Variants in RYR3 observed in about 807,000 individuals in gnomAD.
RYR3 encodes brain ryanodine receptor-calcium release channel.
A neutral mutation model predicts 584.3 loss-of-function variants in RYR3; 207 were observed. The ratio of observed to expected loss-of-function variants is 0.35; its 90% CI spans 0.32 to 0.40. RYR3 has a LOEUF of 0.40. RYR3 is among the 10% of genes least tolerant of loss of function. The probability of loss-of-function intolerance (pLI) is 1.00; values close to 1 mark genes in which losing one functional copy is unlikely to be tolerated. For missense variants in RYR3, 5,616 were observed against 6,089.2 expected (o/e 0.92, Z 2.59); for synonymous variants, 2,416 against 2,248.5 (o/e 1.07, Z -2.11).
chr15:33,767,159 G>A (rs866063292), intron 60 of RYR3, among the ~76,000 whole-genome samples: 3 of 152,140 alleles, frequency 2.0e-5, no homozygotes, highest in Non-Finnish European at 4.4e-5. Flanking sequence ...TCTGAAACCC[G>A]AGTCCTATGA....
At chr15:33,862,853 C>G (rs555058283) in intron 102 of RYR3, among the ~76,000 whole-genome samples, 6 of 152,208 alleles carry the variant, frequency 3.9e-5, no homozygotes, top group African/African-American at 1.4e-4. Context: ...TGAAGTGATC[C>G]ACCTGCCTTG....
At chr15:33,652,639 AT>A in intron 31 of RYR3, 78 bp from the exon 32 acceptor site, 1 of 1,455,644 alleles carries the variant, frequency 6.9e-7, no homozygotes, top group Non-Finnish European at 9.3e-7. Context: ...AGCCATTTTC[AT>A]TTTTCATTTC....
intron 16 of RYR3, among the ~76,000 whole-genome samples, chr15:33,593,645 C>T (rs1263555091): frequency 6.6e-6 from 1 of 151,852 alleles, no homozygotes; most frequent in East Asian, 1.9e-4. Context: ...TTCAGTGACT[C>T]CAAATTAGGA....
rs2063034347 is a variant in RYR3 at position 33,659,731 on chromosome 15, T to C, written c.4320T>C (p.Asn1440=). Residue 1440 remains asparagine (N), a synonymous_variant, in exon 33 of 104, where the codon AAT becomes AAC. Transcript: ENST00000634891. ...GTTTTGATTTCCAGGTGGAGCCTAA[T>C]ACCAAAGTGTTTCCAGCAGTCTTCC... is the stretch of plus-strand genomic sequence containing the variant. ...ELGTCYQVEP[N]TKVFPAVFLQ... 2 of 1,610,782 alleles carry C rather than the reference T, an allele frequency of 1.2e-6. No homozygotes were observed. The highest frequency in any genetic ancestry group is 2.7e-5 in the African/African-American group (2 of 74,850).
chr15:33,557,484 A>G lies in RYR3; in HGVS notation c.973-5353A>G, dbSNP rs111688061. Reference sequence around the variant, plus strand: ...ACTGCAACCTCCGACTCCCTGGTTCAAGCAATTCTTCTGCCTCGGCTTCCT... The same window carrying G: ...ACTGCAACCTCCGACTCCCTGGTTCGAGCAATTCTTCTGCCTCGGCTTCCT... On this transcript the variant is annotated intron_variant, in intron 10 of 103. Transcript: ENST00000634891. 4.0e-3 allele frequency among the ~76,000 whole-genome samples: 606 copies of G among 152,232 alleles called. 6 individuals are homozygous for G. Among genetic ancestry groups the G allele is most frequent in the African/African-American group, 0.014 (576 of 41,534 alleles).
chr15:33,537,351 T>G (rs112748421), intron 5 of RYR3, among the ~76,000 whole-genome samples: 4 of 152,182 alleles, frequency 2.6e-5, no homozygotes, highest in African/African-American at 9.7e-5. Context: ...AGGGTTGGTT[T>G]TTGTTTTCTG....
chr15:33,609,757 C>T (rs1824740460), intron 18 of RYR3, among the ~76,000 whole-genome samples: 1 of 152,128 alleles, frequency 6.6e-6, no homozygotes, highest in African/African-American at 2.4e-5. Flanking sequence ...ACAATTACTG[C>T]AAGCTTTGCT....
Position 33,636,401 on chromosome 15 carries a change from G to A in RYR3, c.3407G>A (p.Gly1136Glu). Residue 1136 changes from glycine (G) to glutamate (E), a missense_variant, in exon 27 of 104, where the codon GGG (glycine) becomes GAG (glutamate). This residue lies in a region of RYR3 where 152 missense variants were observed against 200.9 expected (regional missense o/e 0.76). Transcript: ENST00000634891. ...NRGQRWHQGS[G>E]YFGRTWQPGD... Reference sequence around the variant, plus strand: ...GGCCAGCGTTGGCATCAAGGAAGTGGGTATTTTGGGCGTACCTGGCAGCCA... The same window carrying A: ...GGCCAGCGTTGGCATCAAGGAAGTGAGTATTTTGGGCGTACCTGGCAGCCA... 1 of 1,613,876 alleles carries A rather than the reference G, an allele frequency of 6.2e-7. No individual in the cohort carries two copies. The highest frequency in any genetic ancestry group is 8.5e-7 in the Non-Finnish European group (1 of 1,179,854).
At chr15:33,807,518 C>G (rs1429553479) in intron 69 of RYR3, 37 bp from the exon 70 acceptor site, 1 of 1,550,782 alleles carries the variant, frequency 6.4e-7, no homozygotes, top group Admixed American at 2.0e-5. Context: ...CTGACTGACT[C>G]TTCTCCTTGT....
rs979552217 is a variant in RYR3, at chr15:33,362,413, TCAG to T, written c.51+51341_51+51343del. On this transcript the variant is annotated intron_variant, in intron 1 of 103. Coordinates refer to ENST00000634891, the MANE Select transcript of RYR3 (RefSeq NM_001036.6). ...ATGTCTGTCGTCATCATCATCATCA[TCAG>T]CAGCAGCAGCAGCAGCAGCAGCATC... Among the ~76,000 whole-genome samples, 762 of 152,108 alleles carry T rather than the reference TCAG, an allele frequency of 5.0e-3. 7 individuals carry two copies. The highest frequency in any genetic ancestry group is 0.017 in the African/African-American group (698 of 41,456).
intron 1 of RYR3, chr15:33,473,201 C>T: frequency 3.0e-6 from 2 of 677,652 alleles, no homozygotes; most frequent in Non-Finnish European, 5.4e-6. Flanking sequence ...CCCCCACTGA[C>T]CTCACTCCAG....
At chr15:33,684,618 T>C (rs113616661) in intron 38 of RYR3, among the ~76,000 whole-genome samples, 12,539 of 151,940 alleles carry the variant, frequency 0.083, 568 homozygotes, top group African/African-American at 0.13. Context: ...AAGATATTCC[T>C]CGAGAAGAGC....
chr15:33,717,944 T>C (rs900666561), intron 43 of RYR3, among the ~76,000 whole-genome samples: 3 of 152,192 alleles, frequency 2.0e-5, no homozygotes, highest in Non-Finnish European at 4.4e-5. Context: ...CTCCAGTCCA[T>C]CCCTTCCCAG....
intron 27 of RYR3, among the ~76,000 whole-genome samples, chr15:33,638,948 T>C (rs966894337): frequency 6.6e-6 from 1 of 152,150 alleles, no homozygotes; most frequent in Non-Finnish European, 1.5e-5. Flanking sequence ...GTGGAATGTA[T>C]GGATGATGAA....
At chr15:33,683,872 T>G (rs561598912) in intron 38 of RYR3, among the ~76,000 whole-genome samples, 11 of 152,378 alleles carry the variant, frequency 7.2e-5, no homozygotes, top group African/African-American at 2.2e-4. Context: ...CCACGGAGCC[T>G]TGCTCACTGC....
chr15:33,865,094 G>A (rs776147976), intron 103 of RYR3, 37 bp from the exon 104 acceptor site: 7 of 1,537,946 alleles, frequency 4.6e-6, no homozygotes, highest in Non-Finnish European at 6.3e-6. Context: ...TTTTACTGTG[G>A]TTTAAAAATA....
chr15:33,812,307 C>T lies in RYR3; in HGVS notation c.10258-556C>T, dbSNP rs543425036. ...TTGATTACAAAGCACATCAGGAAAT[C>T]TACTAGTAGAGAGTCAGCATAGGAA... On this transcript the variant is annotated intron_variant, in intron 72 of 103. Transcript: ENST00000634891. 5.9e-5 allele frequency among the ~76,000 whole-genome samples: 9 copies of T among 152,050 alleles called. No individual in the cohort carries two copies. The South Asian group carries it at 1.9e-3, about 32-fold the overall frequency.
chr15:33,725,971 C>CT (rs1555427601), intron 45 of RYR3, among the ~76,000 whole-genome samples: 5 of 29,260 alleles, frequency 1.7e-4, no homozygotes, highest in East Asian at 3.9e-3. Context: ...CTCCATCCCC[C>CT]CCCCCAAAAA....
chr15:33,785,911 T>C lies in RYR3; in HGVS notation c.9518T>C (p.Leu3173Pro). The C allele has an allele frequency of 6.2e-7, 1 of 1,611,674 alleles. No individual in the cohort carries two copies. The highest frequency in any genetic ancestry group is 8.5e-7 in the Non-Finnish European group (1 of 1,178,338). The change falls in exon 66 of 104, where the codon CTG becomes CCG. Residue 3173 changes from leucine to proline, a missense_variant. Transcript: ENST00000634891. ...ACCTCTGAACACCTCAGTCTCATCC[T>C]GGGCAACATTCTGAAAATCATCAAC... ...KVTSEHLSLILGNILKIINNN... is the reference protein window; with the variant it reads ...KVTSEHLSLIPGNILKIINNN...
Sources: gnomAD v4.1 joint callset for allele counts (sites outside exome capture counted in the v4.1 genomes callset) on GRCh38, gnomAD v4.1.1 for gene constraint, gnomAD v4.1.1 regional missense constraint, MANE v1.5 for transcripts, NCBI Gene and HGNC (gene_info 2026-07-23, HGNC 2026-07-21) for gene names.